The following KIF14 variants were observed in gnomAD, a reference collection of about 807,000 sequenced individuals.
The protein encoded by KIF14 is kinesin-like protein KIF14.
Under a neutral mutation model 176.2 loss-of-function variants are expected in KIF14, and 98 were observed. That is an observed-to-expected ratio of 0.56 (90% confidence interval 0.47 to 0.66). The LOEUF (loss-of-function observed/expected upper bound fraction) is 0.66, where lower values mean the gene tolerates loss of function less well. Among genes scored for constraint, KIF14 ranks in the 30% least tolerant of loss-of-function variants. The probability of loss-of-function intolerance (pLI) is 0.00; values close to 1 mark genes in which losing one functional copy is unlikely to be tolerated. For missense variants in KIF14, 1,751 were observed against 1,920.4 expected (o/e 0.91, Z 1.65); for synonymous variants, 566 against 632.2 (o/e 0.90, Z 1.57).
chr1:200,600,520 A>G lies in KIF14; in HGVS notation c.2153-17T>C. The G allele has an allele frequency of 6.4e-7, 1 of 1,568,020 alleles. No individual in the cohort carries two copies. The highest frequency in any genetic ancestry group is 8.8e-7 in the Non-Finnish European group (1 of 1,139,182). ...CCTTCAATTCTGAAGATTTATACAA[A>G]GATGCATTAATAATAACATTTAATA... is the stretch of plus-strand genomic sequence containing the variant. On this transcript the variant is annotated splice_polypyrimidine_tract_variant and intron_variant, in intron 11 of 29. Coordinates refer to ENST00000367350, the MANE Select transcript of KIF14 (RefSeq NM_014875.3).
Position 200,554,564 on chromosome 1 carries a change from G to C in KIF14, c.4471C>G (p.Gln1491Glu). Reference protein sequence around the residue: ...RQVQEENFEYQDFKRMVNRAP... With the variant: ...RQVQEENFEYEDFKRMVNRAP... The stretch of plus-strand genomic sequence containing the variant: ...CGATTAACCATCCTCTTGAAATCTT[G>C]GTATTCAAAGTTTTCTTCTTGTACT... Residue 1491 changes from glutamine (Q) to glutamate (E), a missense_variant, in exon 29 of 30, where the codon CAA becomes GAA. By Grantham distance (29) the Gln-to-Glu change is conservative. Coordinates refer to ENST00000367350, the MANE Select transcript of KIF14 (RefSeq NM_014875.3). The C allele has an allele frequency of 6.5e-7, 1 of 1,549,320 alleles. No homozygotes were observed. Among genetic ancestry groups the C allele is most frequent in the Non-Finnish European group, 8.9e-7 (1 of 1,126,376 alleles).
intron 22 of KIF14, among the ~76,000 whole-genome samples, chr1:200,570,817 T>C (rs981512911): frequency 3.3e-5 from 5 of 152,174 alleles, no homozygotes; most frequent in Non-Finnish European, 7.4e-5. Flanking sequence ...AATTTCATGC[T>C]GTGGGGGTTT....
chr1:200,565,350 G>A, intron 24 of KIF14, 95 bp downstream of exon 24: 2 of 1,393,582 alleles, frequency 1.4e-6, no homozygotes, highest in Non-Finnish European at 2.0e-6. Context: ...GTTAAAAGAT[G>A]CATGCCAGAT....
At position 200,614,328 on chromosome 1, in the gene KIF14, T is replaced by G. The variant is rs780520181; in HGVS notation, c.1445A>C (p.Gln482Pro). The G allele has an allele frequency of 1.3e-6, 2 of 1,593,280 alleles. No individual in the cohort carries two copies. Among genetic ancestry groups the G allele is most frequent in the Non-Finnish European group, 1.7e-6 (2 of 1,162,140 alleles). The change falls in exon 4 of 30, where the codon CAA becomes CCA. Residue 482 changes from glutamine (Q) to proline (P), a missense_variant. Physicochemically the swap from Gln to Pro is moderately conservative, Grantham distance 76. Transcript: ENST00000367350. ...EDLFSQVARK[Q>P]TQEVSYHIEM... ...ATTATAAGAACATACCTCTTGGGTT[T>G]GTTTTCTGGCTACTTGAGAAAAAAG...
At chr1:200,580,196 G>T in intron 21 of KIF14, 58 bp downstream of exon 21, 4 of 916,438 alleles carry the variant, frequency 4.4e-6, no homozygotes, top group South Asian at 7.8e-5. Flanking sequence ...GCAGGTACTT[G>T]AACTTTTATA....
At chr1:200,608,407 C>G (rs567526474) in intron 5 of KIF14, among the ~76,000 whole-genome samples, 35 of 151,792 alleles carry the variant, frequency 2.3e-4, no homozygotes, top group African/African-American at 8.4e-4. Context: ...CTCTGTCGCC[C>G]AGGCTGGAGT....
At chr1:200,575,431 T>A (rs895585275) in intron 22 of KIF14, among the ~76,000 whole-genome samples, 160 bp downstream of exon 22, 2 of 152,116 alleles carry the variant, frequency 1.3e-5, no homozygotes, top group East Asian at 3.9e-4. Context: ...AATAACATAT[T>A]ATTCCTCTTA....
intron 4 of KIF14, among the ~76,000 whole-genome samples, chr1:200,610,185 G>A (rs1470917256): frequency 6.6e-6 from 1 of 152,068 alleles, no homozygotes; most frequent in East Asian, 1.9e-4. Context: ...TTAATTTGAT[G>A]TTATGTGAAT....
Position 200,618,758 on chromosome 1 carries a change from T to G in KIF14, c.-35A>C, listed in dbSNP as rs1403295176. ...CAGTTATTTTAAAAAAGAATGTTAC[T>G]AAGACCCTAAGCTCTTCTTTGGACA... On this transcript the variant is annotated 5_prime_UTR_variant, in exon 2 of 30. Coordinates refer to ENST00000367350, the MANE Select transcript of KIF14 (RefSeq NM_014875.3). 6.6e-7 allele frequency: 1 copy of G among 1,507,620 alleles called. No individual in the cohort carries two copies. The highest frequency in any genetic ancestry group is 1.8e-5 in the Admixed American group (1 of 55,326). The allele number at this position is 1,507,620 out of a possible 1,614,324, so 93.4% of individuals were successfully genotyped here. A position where few individuals can be genotyped will look rare whatever the true frequency, so the allele number is the denominator to read the frequency against.
intron 27 of KIF14, among the ~76,000 whole-genome samples, chr1:200,556,815 T>C (rs1475296211): frequency 2.0e-5 from 3 of 152,230 alleles, no homozygotes; most frequent in Non-Finnish European, 4.4e-5. Flanking sequence ...GTGCTGCTGC[T>C]GAGCAAAACC....
At position 200,603,209 on chromosome 1, in the gene KIF14, C is replaced by T. The variant is rs756887512; in HGVS notation, c.1979+17G>A. 1 of 1,408,434 alleles carries T rather than the reference C, an allele frequency of 7.1e-7. No individual in the cohort carries two copies. Among genetic ancestry groups the T allele is most frequent in the Non-Finnish European group, 1.0e-6 (1 of 999,436 alleles). 87.2% of individuals were successfully genotyped at this position (1,408,434 alleles called of 1,614,324 possible). A position where few individuals can be genotyped will look rare whatever the true frequency, so the allele number is the denominator to read the frequency against. ...ACTATATTTTATACAATTCTTTATA[C>T]TTCAAAAGATACTTGCCATGTAAGA... is the stretch of plus-strand genomic sequence containing the variant. On this transcript the variant is annotated intron_variant, in intron 10 of 29. Coordinates refer to ENST00000367350, the MANE Select transcript of KIF14 (RefSeq NM_014875.3).
chr1:200,561,352 A>G (rs1038387694), intron 25 of KIF14, among the ~76,000 whole-genome samples: 3 of 152,098 alleles, frequency 2.0e-5, no homozygotes, highest in Admixed American at 6.5e-5. Context: ...CAGCCTGGTC[A>G]ATATGGTGAA....
At chr1:200,559,297 G>A (rs1274321609) in intron 27 of KIF14, 33 bp downstream of exon 27, 2 of 1,382,692 alleles carry the variant, frequency 1.4e-6, no homozygotes, top group South Asian at 1.5e-5. Flanking sequence ...ATATTATTTA[G>A]TACTGTACAG....
chr1:200,559,920 A>G (rs982588629), intron 26 of KIF14, among the ~76,000 whole-genome samples: 3 of 152,044 alleles, frequency 2.0e-5, no homozygotes, highest in African/African-American at 7.2e-5. Flanking sequence ...ACACTCAGCT[A>G]ATTTTTATAT....
intron 21 of KIF14, among the ~76,000 whole-genome samples, chr1:200,579,848 A>G (rs2102648693): frequency 6.6e-6 from 1 of 152,280 alleles, no homozygotes; most frequent in Admixed American, 6.5e-5. Flanking sequence ...AAGCACAGCA[A>G]CGGAGAAATG....
At chr1:200,575,543 ACAT>A in intron 22 of KIF14, 45 bp downstream of exon 22, 1 of 954,060 alleles carries the variant, frequency 1.0e-6, no homozygotes, top group Non-Finnish European at 1.6e-6. Flanking sequence ...ACACACACAC[ACAT>A]GCACACACAA....
intron 19 of KIF14, among the ~76,000 whole-genome samples, chr1:200,583,937 CT>C (rs1246752139): frequency 1.4e-5 from 2 of 146,554 alleles, no homozygotes; most frequent in Admixed American, 1.4e-4. Flanking sequence ...AACAAAAAGA[CT>C]TTAAAAAAAA....
chr1:200,584,200 C>T (rs1228788296), intron 19 of KIF14, among the ~76,000 whole-genome samples: 3 of 114,324 alleles, frequency 2.6e-5, no homozygotes, highest in Non-Finnish European at 3.4e-5. Flanking sequence ...CCTGCCAACA[C>T]ATAAGACTCT....
intron 26 of KIF14, 135 bp downstream of exon 26, chr1:200,560,587 C>T: frequency 1.0e-6 from 1 of 991,870 alleles, no homozygotes; most frequent in Non-Finnish European, 1.5e-6. Flanking sequence ...AGTTTTAAAT[C>T]TTATTGCAAA....
Sources: gnomAD v4.1 joint callset for allele counts (sites outside exome capture counted in the v4.1 genomes callset) on GRCh38, gnomAD v4.1.1 for gene constraint, MANE v1.5 for transcripts, NCBI Gene and HGNC (gene_info 2026-07-23, HGNC 2026-07-21) for gene names.